The following SLC25A48 variants were observed in gnomAD, a reference collection of about 807,000 sequenced individuals.
SLC25A48 encodes the protein CTC-321K16.1.
Under a neutral mutation model 32.2 loss-of-function variants are expected in SLC25A48, and 29 were observed. That is an observed-to-expected ratio of 0.90 (90% CI 0.67 to 1.23). The LOEUF (loss-of-function observed/expected upper bound fraction) is 1.23. Among genes scored for constraint, SLC25A48 ranks in the 50% most tolerant of loss-of-function variants. The pLI, the probability that SLC25A48 is intolerant of heterozygous loss-of-function variation, is 0.00. For synonymous variants in SLC25A48, 164 were observed against 172.3 expected, an observed-to-expected ratio of 0.95 and a Z score of 0.38; for missense variants, 399 against 422.7, an observed-to-expected ratio of 0.94 and a Z score of 0.49.
intron 3 of SLC25A48, chr5:135,742,489 A>C: frequency 6.3e-7 from 1 of 1,580,672 alleles, no homozygotes; most frequent in Non-Finnish European, 8.6e-7. Flanking sequence ...GGCCATGGGC[A>C]AGGTGGGCAC....
chr5:135,791,739 A>G (rs1311623274), intron 3 of SLC25A48, among the ~76,000 whole-genome samples: 2 of 151,540 alleles, frequency 1.3e-5, no homozygotes, highest in Non-Finnish European at 3.0e-5. Flanking sequence ...TCCTAGGGTG[A>G]TGTTACTTCT....
At chr5:135,794,587 C>T (rs904867109) in intron 3 of SLC25A48, among the ~76,000 whole-genome samples, 4 of 151,506 alleles carry the variant, frequency 2.6e-5, no homozygotes, top group African/African-American at 9.7e-5. Context: ...TGTACACTCC[C>T]CATGTGAAAT....
intron 1 of SLC25A48, among the ~76,000 whole-genome samples, chr5:135,614,043 A>G (rs1300005473): frequency 1.3e-5 from 2 of 151,920 alleles, no homozygotes; most frequent in Non-Finnish European, 2.9e-5. Flanking sequence ...GAATGGTCAT[A>G]TTAATAATAT....
intron 3 of SLC25A48, among the ~76,000 whole-genome samples, chr5:135,655,799 A>C (rs1021858641): frequency 6.6e-6 from 1 of 152,218 alleles, no homozygotes. Flanking sequence ...AGCTACATGC[A>C]TCCTCCCCAC....
chr5:135,626,514 TG>T (rs1180745472), intron 1 of SLC25A48, among the ~76,000 whole-genome samples: 1 of 152,204 alleles, frequency 6.6e-6, no homozygotes, highest in Admixed American at 6.5e-5. Context: ...AGGAGAACTT[TG>T]GGGAAACATC....
At chr5:135,708,883 C>T (rs1754585226) in intron 3 of SLC25A48, among the ~76,000 whole-genome samples, 1 of 152,156 alleles carries the variant, frequency 6.6e-6, no homozygotes, top group African/African-American at 2.4e-5. Flanking sequence ...TGGGCTGGCT[C>T]TCATCACAAT....
intron 1 of SLC25A48, among the ~76,000 whole-genome samples, chr5:135,600,884 GTTTCACCATGTTTGCCAGGCTGGTC>G (rs1177660133): frequency 6.6e-6 from 1 of 150,714 alleles, no homozygotes; most frequent in Non-Finnish European, 1.5e-5. Flanking sequence ...TAGAGACAGG[GTTTCACCATGTTTGCCAGGCTGGTC>G]TTGAACTCCT....
chr5:135,650,899 A>G (rs1753096067), intron 3 of SLC25A48, among the ~76,000 whole-genome samples: 1 of 152,066 alleles, frequency 6.6e-6, no homozygotes, highest in Non-Finnish European at 1.5e-5. Flanking sequence ...CAGTTTATTC[A>G]CAGAATAATA....
chr5:135,689,927 G>A (rs957373506), intron 3 of SLC25A48, among the ~76,000 whole-genome samples: 1 of 152,190 alleles, frequency 6.6e-6, no homozygotes, highest in African/African-American at 2.4e-5. Context: ...CTGTCCTTGA[G>A]GAGTTTGTGT....
chr5:135,757,401 C>A (rs540659064), intron 3 of SLC25A48, among the ~76,000 whole-genome samples: 4 of 148,948 alleles, frequency 2.7e-5, no homozygotes, highest in Non-Finnish European at 5.9e-5. Context: ...ATAATGTCTA[C>A]TGTTAACACA....
rs191594110 is a variant in SLC25A48 at position 135,724,080 on chromosome 5, C to G, written c.-520-88443C>G. 5.9e-5 allele frequency among the ~76,000 whole-genome samples: 9 copies of G among 152,294 alleles called. No individual in the cohort carries two copies. The East Asian group carries it at 9.6e-4, about 16-fold the overall frequency. ...GTTTTGTCTTTTTCAGCAGCACAAC[C>G]AGAGACTGTCCTTTTCAATGGCTTT... On this transcript the variant is annotated intron_variant, in intron 3 of 10. Coordinates refer to the SLC25A48 transcript ENST00000646290.
Position 135,780,332 on chromosome 5 carries a change from C to T in SLC25A48, c.-520-32191C>T, listed in dbSNP as rs1453058131. 3.4e-5 allele frequency among the ~76,000 whole-genome samples: 4 copies of T among 116,098 alleles called. 1 individual carries two copies. Among genetic ancestry groups the T allele is most frequent in the African/African-American group, 5.2e-5 (2 of 38,360 alleles). The allele number at this position is 116,098 out of a possible 152,430, so 76.2% of individuals were successfully genotyped here. On this transcript the variant is annotated intron_variant, in intron 3 of 10. Coordinates refer to the SLC25A48 transcript ENST00000646290. Reference sequence around the variant, plus strand: ...TGATCTCCTAACCTCGTGATCCGCCCGCCTCGGCCTCCCAAAGTGCTGGGA... The same window carrying T: ...TGATCTCCTAACCTCGTGATCCGCCTGCCTCGGCCTCCCAAAGTGCTGGGA...
At chr5:135,672,253 C>T (rs964113417) in intron 3 of SLC25A48, among the ~76,000 whole-genome samples, 1 of 151,976 alleles carries the variant, frequency 6.6e-6, no homozygotes, top group African/African-American at 2.4e-5. Context: ...AGAGGGTTTC[C>T]GAGGGATATT....
chr5:135,766,665 C>T (rs568914264), intron 3 of SLC25A48, among the ~76,000 whole-genome samples: 5 of 73,364 alleles, frequency 6.8e-5, no homozygotes, highest in Non-Finnish European at 1.5e-4. Context: ...TGATATTACT[C>T]CCCCATATCA....
intron 1 of SLC25A48, among the ~76,000 whole-genome samples, chr5:135,835,678 TAAAAA>T (rs35114794): frequency 2.8e-5 from 2 of 70,410 alleles, no homozygotes; most frequent in African/African-American, 5.8e-5. Context: ...TTGCTAATTG[TAAAAA>T]AAAAAAAAAA....
At chr5:135,666,390 G>T (rs534394794) in intron 3 of SLC25A48, among the ~76,000 whole-genome samples, 11 of 152,322 alleles carry the variant, frequency 7.2e-5, no homozygotes, top group Admixed American at 6.5e-4. Context: ...CCGGGGATCT[G>T]CTGTCTTCAG....
At chr5:135,857,777 G>C (rs1760453835) in intron 4 of SLC25A48, among the ~76,000 whole-genome samples, 1 of 152,162 alleles carries the variant, frequency 6.6e-6, no homozygotes, top group African/African-American at 2.4e-5. Context: ...GGTCAGGGCT[G>C]TGCACCTGCC....
intron 4 of SLC25A48, among the ~76,000 whole-genome samples, chr5:135,865,789 C>T (rs1337767994): frequency 1.3e-5 from 2 of 152,138 alleles, no homozygotes; most frequent in Non-Finnish European, 2.9e-5. Context: ...CTAAGAGCGC[C>T]TTGTTAATAT....
At chr5:135,836,968 C>T (rs868129839) in intron 1 of SLC25A48, among the ~76,000 whole-genome samples, 248 of 15,588 alleles carry the variant, frequency 0.016, 1 homozygote, top group Middle Eastern at 0.036. Flanking sequence ...ATCCCCCCCC[C>T]CACCCCCCCC....
Sources: gnomAD v4.1 joint callset for allele counts (sites outside exome capture counted in the v4.1 genomes callset) on GRCh38, gnomAD v4.1.1 for gene constraint, MANE v1.5 for transcripts, NCBI Gene and HGNC (gene_info 2026-07-23, HGNC 2026-07-21) for gene names.